The following RHAG variants were observed in gnomAD, a reference collection of about 807,000 sequenced individuals.
RHAG encodes the protein Rh associated glycoprotein, also known as ammonium transporter Rh type A.
RHAG carries 25 observed loss-of-function variants against 42.4 expected under a neutral mutation model. The ratio of observed to expected loss-of-function variants is 0.59; its 90% CI spans 0.43 to 0.82. The LOEUF is 0.82. Ranked by LOEUF, RHAG falls within the 40% of genes least tolerant of loss-of-function variation. RHAG has a pLI of 0.00. For missense variants in RHAG, 483 were observed against 504.6 expected (o/e 0.96, Z 0.41); for synonymous variants, 182 against 177.7 (o/e 1.02, Z -0.19).
intron 3 of RHAG, among the ~76,000 whole-genome samples, chr6:49,616,913 A>G (rs1289325256): frequency 6.6e-6 from 1 of 152,170 alleles, no homozygotes; most frequent in African/African-American, 2.4e-5. Flanking sequence ...GGAGGTGGCT[A>G]TTAATCATGC....
intron 1 of RHAG, among the ~76,000 whole-genome samples, chr6:49,626,006 A>G (rs901465056): frequency 1.3e-5 from 2 of 152,098 alleles, no homozygotes; most frequent in African/African-American, 4.8e-5. Context: ...CCCGTGTTTC[A>G]ATTACCTCCC....
rs761997446 is a variant in RHAG at position 49,612,529 on chromosome 6, G to A, written c.813C>T (p.His271=). ...VEHRGKLNMV[H]IQNATLAGGV... Reference sequence around the variant, plus strand: ...CTCCAGCAAGGGTGGCATTCTGAATGTGAACCTGTGTGAGCGGCAGAAACA... The same window carrying A: ...CTCCAGCAAGGGTGGCATTCTGAATATGAACCTGTGTGAGCGGCAGAAACA... Residue 271 remains histidine, a synonymous_variant, in exon 6 of 10, where the codon CAC becomes CAT. Transcript: ENST00000371175. 2 of 1,613,922 alleles carry A rather than the reference G, an allele frequency of 1.2e-6. No individual in the cohort carries two copies. Among genetic ancestry groups the A allele is most frequent in the Non-Finnish European group, 1.7e-6 (2 of 1,179,922 alleles).
intron 7 of RHAG, among the ~76,000 whole-genome samples, chr6:49,607,796 A>G (rs1233071679): frequency 6.6e-6 from 1 of 152,198 alleles, no homozygotes; most frequent in Non-Finnish European, 1.5e-5. Context: ...ATGACAAATG[A>G]CCTGGGAATG....
chr6:49,634,761 G>T (rs1762982343), intron 1 of RHAG, among the ~76,000 whole-genome samples: 2 of 151,994 alleles, frequency 1.3e-5, no homozygotes, highest in Admixed American at 1.3e-4. Context: ...TTTACAAGTA[G>T]TGTAGAAGAG....
Position 49,620,259 on chromosome 6 carries a change from C to G in RHAG, c.158-897G>C, listed in dbSNP as rs142665955. Reference sequence around the variant, plus strand: ...TAAAGGCCCTATTTCACAGAATAATCCAAGTGGGATCACCTGTGTAGGAGG... The same window carrying G: ...TAAAGGCCCTATTTCACAGAATAATGCAAGTGGGATCACCTGTGTAGGAGG... On this transcript the variant is annotated intron_variant, in intron 1 of 9. Transcript: ENST00000371175. Among the ~76,000 whole-genome samples the G allele has an allele frequency of 3.3e-5, 5 of 152,212 alleles. No individual in the cohort carries two copies. The East Asian group carries it at 9.7e-4, about 29-fold the overall frequency.
chr6:49,608,326 G>A (rs1225336938), intron 7 of RHAG, among the ~76,000 whole-genome samples: 1 of 152,082 alleles, frequency 6.6e-6, no homozygotes, highest in Non-Finnish European at 1.5e-5. Flanking sequence ...GAACTTGTCT[G>A]ATTATTTTCC....
intron 9 of RHAG, 36 bp downstream of exon 9, chr6:49,606,812 A>T: frequency 7.4e-7 from 1 of 1,345,550 alleles, no homozygotes; most frequent in African/African-American, 1.4e-5. Flanking sequence ...TAATGGAGTC[A>T]TCGTTCACAT....
chr6:49,606,815 G>A (rs376552354), intron 9 of RHAG, 33 bp downstream of exon 9: 29 of 1,392,544 alleles, frequency 2.1e-5, no homozygotes, highest in South Asian at 5.8e-5. Context: ...TGGAGTCATC[G>A]TTCACATTCT....
chr6:49,629,642 AG>A (rs887980681), intron 1 of RHAG, among the ~76,000 whole-genome samples: 21 of 137,682 alleles, frequency 1.5e-4, no homozygotes, highest in African/African-American at 5.9e-4. Flanking sequence ...GAGCCCATGG[AG>A]GGGGTGGGGG....
Position 49,636,691 on chromosome 6 carries a change from G to C in RHAG, c.122C>G (p.Pro41Arg). The part of the protein sequence containing the change: ...TVLEQLNITK[P>R]TDMGIFFELY... The stretch of plus-strand genomic sequence containing the variant: ...CTCAAAGAATATGCCCATGTCTGTT[G>C]GCTTGGTGATGTTGAGCTGCTCGAG... The change falls in exon 1 of 10, where the codon CCA (proline) becomes CGA (arginine). Residue 41 changes from proline to arginine, a missense_variant. Coordinates refer to ENST00000371175, the MANE Select transcript of RHAG (RefSeq NM_000324.3). The C allele has an allele frequency of 6.2e-7, 1 of 1,613,932 alleles. No homozygotes were observed. Among genetic ancestry groups the C allele is most frequent in the Non-Finnish European group, 8.5e-7 (1 of 1,179,832 alleles).
chr6:49,615,655 G>C lies in RHAG; in HGVS notation c.609C>G (p.Ser203=). 1 of 1,614,030 alleles carries C rather than the reference G, an allele frequency of 6.2e-7. No homozygotes were observed. The highest frequency in any genetic ancestry group is 8.5e-7 in the Non-Finnish European group (1 of 1,179,992). The change falls in exon 4 of 10, where the codon TCC becomes TCG. Residue 203 remains serine, a synonymous_variant. Transcript: ENST00000371175. Reference sequence around the variant, plus strand: ...TTGCAAACAAGTCTGAGTAGTATGCGGACTCTTCATTTTCATGCCCCTTTC... The same window carrying C: ...TTGCAAACAAGTCTGAGTAGTATGCCGACTCTTCATTTTCATGCCCCTTTC... ...GLRKGHENEE[S]AYYSDLFAMI... is the part of the protein sequence containing the mutation.
Position 49,618,253 on chromosome 6 carries a change from C to T in RHAG, c.342-35G>A, listed in dbSNP as rs148742281. The T allele has an allele frequency of 8.1e-5, 130 of 1,613,052 alleles. No individual in the cohort carries two copies. In the African/African-American group the frequency reaches 1.3e-3, roughly 17 times the overall value. ...AACAAGAATAAATTGAAGAGTAATG[C>T]ACACCCAACATAAAACTGACCAAAG... is the stretch of plus-strand genomic sequence containing the variant. On this transcript the variant is annotated intron_variant, in intron 2 of 9. Transcript: ENST00000371175.
intron 1 of RHAG, among the ~76,000 whole-genome samples, chr6:49,622,820 G>GA (rs1762783414): frequency 6.7e-6 from 1 of 149,348 alleles, no homozygotes; most frequent in Non-Finnish European, 1.5e-5. Flanking sequence ...CCCTTTGATG[G>GA]AAAACCAGAC....
chr6:49,605,975 T>C (rs1418270662), intron 9 of RHAG, 145 bp from the exon 10 acceptor site: 1 of 732,096 alleles, frequency 1.4e-6, no homozygotes, highest in African/African-American at 1.8e-5. Context: ...TGAAGAAAAA[T>C]AAAAGAATAA....
At chr6:49,608,528 C>T (rs1352463139) in intron 7 of RHAG, among the ~76,000 whole-genome samples, 1 of 152,162 alleles carries the variant, frequency 6.6e-6, no homozygotes, top group African/African-American at 2.4e-5. Context: ...TAGGCACCCA[C>T]CACCATGCCG....
Position 49,606,913 on chromosome 6 carries a change from G to T in RHAG, c.1147C>A (p.Leu383Ile), listed in dbSNP as rs141051794. 7.2e-4 allele frequency: 1,162 copies of T among 1,610,196 alleles called. 3 individuals are homozygous for T. The highest frequency in any genetic ancestry group is 9.0e-4 in the Non-Finnish European group (1,058 of 1,176,594). The change falls in exon 9 of 10, where the codon CTA (leucine) becomes ATA (isoleucine). Residue 383 changes from leucine to isoleucine, a missense_variant. Coordinates refer to ENST00000371175, the MANE Select transcript of RHAG (RefSeq NM_000324.3). Reference sequence around the variant, plus strand: ...GGCTGTCCCCAGAGAGGCAACTTTAGAATTAAACCTGTGACGGTAGAGGGA... The same window carrying T: ...GGCTGTCCCCAGAGAGGCAACTTTATAATTAAACCTGTGACGGTAGAGGGA... Reference protein sequence around the residue: ...VVGGLMTGLILKLPLWGQPSD... With the variant: ...VVGGLMTGLIIKLPLWGQPSD...
intron 2 of RHAG, 74 bp downstream of exon 2, chr6:49,619,105 C>T: frequency 6.6e-7 from 1 of 1,509,650 alleles, no homozygotes; most frequent in East Asian, 2.3e-5. Flanking sequence ...TTAATATCAT[C>T]ATGTTGGAGG....
intron 1 of RHAG, chr6:49,631,967 T>G (rs144993330): frequency 6.1e-4 from 93 of 152,314 alleles, no homozygotes; most frequent in African/African-American, 2.1e-3. Flanking sequence ...ATGAAATGAT[T>G]TCGAGTGATG....
In RHAG at chr6:49,612,523, C is replaced by A; in HGVS notation, c.819G>T (p.Gln273His). The part of the protein sequence containing the change: ...HRGKLNMVHI[Q>H]NATLAGGVAV... ...CAACTCCTCCAGCAAGGGTGGCATT[C>A]TGAATGTGAACCTGTGTGAGCGGCA... is the stretch of plus-strand genomic sequence containing the variant. The change falls in exon 6 of 10, where the codon CAG (glutamine) becomes CAT (histidine). Residue 273 changes from glutamine to histidine, a missense_variant. By Grantham distance (24) the Gln-to-His change is conservative. Coordinates refer to ENST00000371175, the MANE Select transcript of RHAG (RefSeq NM_000324.3). 6.2e-7 allele frequency: 1 copy of A among 1,614,084 alleles called. No homozygotes were observed.
Sources: gnomAD v4.1 joint callset for allele counts (sites outside exome capture counted in the v4.1 genomes callset) on GRCh38, gnomAD v4.1.1 for gene constraint, MANE v1.5 for transcripts, NCBI Gene and HGNC (gene_info 2026-07-23, HGNC 2026-07-21) for gene names.